FAF2: variants seen among roughly 807,000 people sequenced by gnomAD.
FAF2 encodes FAS-associated factor 2.
Under a neutral mutation model 62.3 loss-of-function variants are expected in FAF2, and 9 were observed. The ratio of observed to expected loss-of-function variants is 0.14; its 90% CI spans 0.09 to 0.25. FAF2 has a LOEUF of 0.25. FAF2 is among the 10% of genes least tolerant of loss of function. FAF2 has a pLI of 1.00. For missense variants in FAF2, 368 were observed against 556.2 expected (o/e 0.66, Z 3.40); for synonymous variants, 202 against 198.0 (o/e 1.02, Z -0.17).
intron 1 of FAF2, among the ~76,000 whole-genome samples, chr5:176,463,964 A>C (rs995442700): frequency 1.3e-5 from 2 of 152,006 alleles, no homozygotes; most frequent in African/African-American, 4.8e-5. Context: ...TCCTGACCTC[A>C]AGTGATCTGC....
intron 3 of FAF2, 96 bp downstream of exon 3, chr5:176,486,585 T>C (rs1432736009): frequency 7.7e-7 from 1 of 1,290,444 alleles, no homozygotes; most frequent in Non-Finnish European, 1.1e-6. Context: ...AAAACAAATA[T>C]TTAGAATGTA....
chr5:176,463,390 A>C (rs1581470193), intron 1 of FAF2, among the ~76,000 whole-genome samples: 1 of 152,102 alleles, frequency 6.6e-6, no homozygotes, highest in East Asian at 1.9e-4. Context: ...ATCTCAAAAA[A>C]AAAAAAGGAA....
At chr5:176,449,097 C>G (rs551162429) in intron 1 of FAF2, among the ~76,000 whole-genome samples, 2 of 152,168 alleles carry the variant, frequency 1.3e-5, no homozygotes, top group African/African-American at 4.8e-5. Context: ...GATTCCTGTG[C>G]TTAACTATGC....
chr5:176,455,876 A>T (rs1758270131), intron 1 of FAF2, among the ~76,000 whole-genome samples: 1 of 152,062 alleles, frequency 6.6e-6, no homozygotes, highest in African/African-American at 2.4e-5. Flanking sequence ...TGAAATATTT[A>T]CATAAATATT....
At position 176,507,836 on chromosome 5, in the gene FAF2, C is replaced by G. The variant is rs1230649536; in HGVS notation, c.*886C>G. On this transcript the variant is annotated 3_prime_UTR_variant, in exon 11 of 11. Transcript: ENST00000261942. Reference sequence around the variant, plus strand: ...CCTTTACACACAACTGCAGCTTTTCCTTGGAGTCTGTACCAGGTGGTGGTT... The same window carrying G: ...CCTTTACACACAACTGCAGCTTTTCGTTGGAGTCTGTACCAGGTGGTGGTT... 2 of 152,798 alleles carry G rather than the reference C, an allele frequency of 1.3e-5. No individual in the cohort carries two copies. The highest frequency in any genetic ancestry group is 4.8e-5 in the African/African-American group (2 of 41,440). The allele number at this position is 152,798 out of a possible 1,614,324, so 9.5% of individuals were successfully genotyped here.
chr5:176,509,349 G>A lies in FAF2; in HGVS notation c.*2399G>A, dbSNP rs1046308158. On this transcript the variant is annotated 3_prime_UTR_variant, in exon 11 of 11. Coordinates refer to ENST00000261942, the MANE Select transcript of FAF2 (RefSeq NM_014613.3). ...GACTTTTGGGATTTTGATGAGACCT[G>A]CGAGGGAGAAGACACTGAGAAGCCA... The A allele has an allele frequency of 1.2e-4, 18 of 152,206 alleles. No individual in the cohort carries two copies. The highest frequency in any genetic ancestry group is 4.3e-4 in the African/African-American group (18 of 41,440). The allele number at this position is 152,206 out of a possible 1,614,324, so 9.4% of individuals were successfully genotyped here.
Position 176,499,430 on chromosome 5 carries a change from A to C in FAF2, c.1011+345A>C, listed in dbSNP as rs554504415. On this transcript the variant is annotated intron_variant, in intron 9 of 10. Coordinates refer to ENST00000261942, the MANE Select transcript of FAF2 (RefSeq NM_014613.3). ...GCGTGAGCCACCATGCCTGGCCCTA[A>C]ATATTCATTCTTAATACCAGTATTA... Among the ~76,000 whole-genome samples, 108 of 152,268 alleles carry C rather than the reference A, an allele frequency of 7.1e-4. 1 individual carries two copies. The highest frequency in any genetic ancestry group is 2.4e-3 in the African/African-American group (100 of 41,544).
At chr5:176,479,942 C>T (rs764560503) in intron 2 of FAF2, among the ~76,000 whole-genome samples, 39 of 152,194 alleles carry the variant, frequency 2.6e-4, no homozygotes, top group Non-Finnish European at 4.6e-4. Flanking sequence ...TGATCCGCCC[C>T]GCTCAGCCTT....
chr5:176,465,811 C>T (rs1174110142), intron 1 of FAF2, among the ~76,000 whole-genome samples: 7 of 152,094 alleles, frequency 4.6e-5, no homozygotes, highest in Admixed American at 3.9e-4. Flanking sequence ...GAACCGAGAT[C>T]GTGCCACTGC....
At chr5:176,462,824 A>T (rs1244530831) in intron 1 of FAF2, among the ~76,000 whole-genome samples, 1 of 152,134 alleles carries the variant, frequency 6.6e-6, no homozygotes, top group African/African-American at 2.4e-5. Flanking sequence ...ATAATGGCAG[A>T]ATTTGTCAGC....
intron 1 of FAF2, among the ~76,000 whole-genome samples, chr5:176,469,860 C>T (rs1330180181): frequency 2.6e-5 from 4 of 151,934 alleles, no homozygotes; most frequent in African/African-American, 9.7e-5. Context: ...GGGAGTATTT[C>T]GTAAAATAAT....
intron 1 of FAF2, among the ~76,000 whole-genome samples, chr5:176,459,849 A>T (rs1013556615): frequency 3.3e-5 from 5 of 151,970 alleles, no homozygotes; most frequent in African/African-American, 1.2e-4. Context: ...ATAGTATCCA[A>T]CAGTTAGTTT....
chr5:176,448,497 A>T (rs757663187), intron 1 of FAF2, 27 bp downstream of exon 1: 2 of 1,575,892 alleles, frequency 1.3e-6, no homozygotes, highest in Non-Finnish European at 1.7e-6. Context: ...GGTGCAGCAG[A>T]TGCCTCCGTG....
intron 3 of FAF2, among the ~76,000 whole-genome samples, chr5:176,488,622 C>T (rs1033356348): frequency 6.6e-6 from 1 of 151,958 alleles, no homozygotes; most frequent in African/African-American, 2.4e-5. Flanking sequence ...GGGATTTCAC[C>T]GTGTTGGCCA....
chr5:176,480,257 A>G (rs1249382463), intron 2 of FAF2, among the ~76,000 whole-genome samples: 1 of 151,478 alleles, frequency 6.6e-6, no homozygotes, highest in Non-Finnish European at 1.5e-5. Flanking sequence ...TGCTATTTTA[A>G]AAGGGTGCTG....
Position 176,480,138 on chromosome 5 carries a change from C to G in FAF2, c.132+882C>G, listed in dbSNP as rs568514193. 5.9e-5 allele frequency among the ~76,000 whole-genome samples: 9 copies of G among 152,236 alleles called. No homozygotes were observed. In the East Asian group the frequency reaches 1.7e-3, roughly 29 times the overall value. ...CAGCATATAACATGGAAATAAATAT[C>G]TGTTGGTTTTTCCCTTCCATTCTTA... is the stretch of plus-strand genomic sequence containing the variant. On this transcript the variant is annotated intron_variant, in intron 2 of 10. Transcript: ENST00000261942.
intron 10 of FAF2, 93 bp from the exon 11 acceptor site, chr5:176,506,675 A>G (rs1755689439): frequency 7.8e-6 from 8 of 1,031,198 alleles, no homozygotes; most frequent in Middle Eastern, 6.0e-4. Flanking sequence ...GTTGGGGTAT[A>G]TTTGACTTCA....
intron 2 of FAF2, among the ~76,000 whole-genome samples, chr5:176,484,090 GA>G (rs910824230): frequency 2.0e-5 from 3 of 151,528 alleles, no homozygotes; most frequent in African/African-American, 2.4e-5. Context: ...GAAAAAAAAA[GA>G]AAAAAAGGGG....
chr5:176,476,790 A>G (rs888467214), intron 1 of FAF2, among the ~76,000 whole-genome samples: 2 of 141,136 alleles, frequency 1.4e-5, no homozygotes, highest in Non-Finnish European at 3.0e-5. Flanking sequence ...ACGCAGCACC[A>G]CCATGCTGAA....
Sources: allele counts gnomAD v4.1 joint callset (sites outside exome capture counted in the v4.1 genomes callset), GRCh38; gene constraint gnomAD v4.1.1; transcripts MANE v1.5; gene names NCBI Gene and HGNC (gene_info 2026-07-23, HGNC 2026-07-21).